Variants in KIDINS220 observed in about 807,000 individuals in gnomAD.
The protein encoded by KIDINS220 is kinase D interacting substrate 220, also known as kinase D-interacting substrate of 220 kDa.
Under a neutral mutation model 157.6 loss-of-function variants are expected in KIDINS220, and 63 were observed. That is an observed-to-expected ratio of 0.40 (90% CI 0.33 to 0.49). KIDINS220 has a LOEUF of 0.49. KIDINS220 is among the 20% of genes least tolerant of loss of function. KIDINS220 has a pLI of 0.66. For missense variants in KIDINS220, 1,772 were observed against 2,171.2 expected (o/e 0.82, Z 3.65); for synonymous variants, 732 against 783.6 (o/e 0.93, Z 1.10).
At chr2:8,756,598 A>T (rs1284215087) in intron 22 of KIDINS220, among the ~76,000 whole-genome samples, 1 of 152,196 alleles carries the variant, frequency 6.6e-6, no homozygotes, top group Non-Finnish European at 1.5e-5. Context: ...GTCAGAGATC[A>T]AAGTGCCAGA....
chr2:8,756,933 G>A (rs1307913251), intron 22 of KIDINS220, among the ~76,000 whole-genome samples: 5 of 152,192 alleles, frequency 3.3e-5, no homozygotes, highest in Admixed American at 1.3e-4. Flanking sequence ...CACGGAGTAC[G>A]ATGTTAGCTG....
At chr2:8,778,446 C>T (rs1671260832) in intron 20 of KIDINS220, among the ~76,000 whole-genome samples, 193 bp downstream of exon 20, 1 of 152,114 alleles carries the variant, frequency 6.6e-6, no homozygotes, top group East Asian at 1.9e-4. Context: ...GACCCCTATA[C>T]GAAGTACAGT....
chr2:8,754,151 G>A (rs997492457), intron 22 of KIDINS220, among the ~76,000 whole-genome samples: 14 of 152,166 alleles, frequency 9.2e-5, no homozygotes, highest in African/African-American at 2.4e-5. Context: ...ACACACAGCT[G>A]ACAAGTCACA....
At chr2:8,757,505 C>T (rs1668158639) in intron 22 of KIDINS220, 1 of 1,417,112 alleles carries the variant, frequency 7.1e-7, no homozygotes, top group Non-Finnish European at 9.2e-7. Context: ...GCAGAAGTGA[C>T]TGTACTGTTG....
chr2:8,730,536 C>T lies in KIDINS220; in HGVS notation c.*184G>A, dbSNP rs1359527121. 43 of 1,426,622 alleles carry T rather than the reference C, an allele frequency of 3.0e-5. No individual in the cohort carries two copies. Among genetic ancestry groups the T allele is most frequent in the Non-Finnish European group, 3.8e-5 (42 of 1,097,664 alleles). 88.4% of individuals were successfully genotyped at this position (1,426,622 alleles called of 1,614,324 possible). ...TAATTACAAAGACCACAGAGGCTGG[C>T]TGGTGAGCCATGCTTCTCATGCTCC... On this transcript the variant is annotated 3_prime_UTR_variant, in exon 30 of 30. Coordinates refer to ENST00000256707, the MANE Select transcript of KIDINS220 (RefSeq NM_020738.4).
chr2:8,737,106 A>T (rs1290260155), intron 26 of KIDINS220, 107 bp from the exon 27 acceptor site: 3 of 1,015,126 alleles, frequency 3.0e-6, no homozygotes, highest in East Asian at 2.7e-5. Context: ...GAAGTAAAGT[A>T]AAAAAAAACA....
intron 2 of KIDINS220, among the ~76,000 whole-genome samples, chr2:8,820,137 A>T (rs2148406810): frequency 6.6e-6 from 1 of 152,296 alleles, no homozygotes; most frequent in South Asian, 2.1e-4. Context: ...GGAGCAGGGC[A>T]TGCCTGGCCC....
chr2:8,775,213 A>G (rs752409137), intron 21 of KIDINS220, among the ~76,000 whole-genome samples: 12 of 152,246 alleles, frequency 7.9e-5, no homozygotes, highest in African/African-American at 1.2e-4. Flanking sequence ...TATGTGTCAG[A>G]TATATATTGA....
intron 7 of KIDINS220, among the ~76,000 whole-genome samples, chr2:8,804,260 T>A (rs147903049): frequency 1.0e-3 from 154 of 152,386 alleles, no homozygotes; most frequent in African/African-American, 3.3e-3. Context: ...ATAAAGAGTT[T>A]ACTCTTGTTT....
intron 29 of KIDINS220, 147 bp downstream of exon 29, chr2:8,733,297 G>T (rs1664406251): frequency 1.4e-6 from 1 of 707,500 alleles, no homozygotes; most frequent in East Asian, 2.7e-5. Flanking sequence ...AGCTCCTTGA[G>T]TACAGGGAGC....
downstream of KIDINS220, among the ~76,000 whole-genome samples, chr2:8,727,889 TGAAAGA>T (rs1663501284): frequency 6.6e-6 from 1 of 152,238 alleles, no homozygotes; most frequent in African/African-American, 2.4e-5. Flanking sequence ...TTATTTCAAC[TGAAAGA>T]GAAAAACAGC....
chr2:8,821,309 AAGAC>A (rs1310270554), intron 2 of KIDINS220, among the ~76,000 whole-genome samples: 2 of 152,018 alleles, frequency 1.3e-5, no homozygotes, highest in Non-Finnish European at 2.9e-5. Flanking sequence ...AGTATCTAGA[AAGAC>A]AGGGCTTGTT....
intron 24 of KIDINS220, chr2:8,749,269 C>T: frequency 3.0e-6 from 1 of 335,748 alleles, no homozygotes; most frequent in Non-Finnish European, 5.8e-6. Flanking sequence ...GATGTATTTA[C>T]ACAGGCAGTT....
chr2:8,733,451 C>G lies in KIDINS220; in HGVS notation c.4046G>C (p.Ser1349Thr), dbSNP rs767869982. The G allele has an allele frequency of 1.2e-6, 2 of 1,612,576 alleles. No individual in the cohort carries two copies. Among genetic ancestry groups the G allele is most frequent in the Admixed American group, 3.3e-5 (2 of 59,954 alleles). ...ATGCCATTCAATAAATACCTGCCAA[C>G]TTAGATTACTGTGACGAGGGGCACC... The part of the protein sequence containing the change: ...DEGAPRHSNL[S>T]WQSQTRRTPS... The change falls in exon 29 of 30, where the codon AGT becomes ACT. Residue 1349 changes from serine to threonine, a missense_variant. Ser to Thr is a moderately conservative substitution (Grantham distance 58, BLOSUM62 1). Coordinates refer to ENST00000256707, the MANE Select transcript of KIDINS220 (RefSeq NM_020738.4).
At chr2:8,738,526 C>G (rs1236939715) in intron 26 of KIDINS220, among the ~76,000 whole-genome samples, 1 of 152,222 alleles carries the variant, frequency 6.6e-6, no homozygotes, top group Non-Finnish European at 1.5e-5. Flanking sequence ...ACCTTCAACT[C>G]TGATGCACTG....
chr2:8,747,756 A>C, intron 25 of KIDINS220, 131 bp downstream of exon 25: 1 of 463,942 alleles, frequency 2.2e-6, no homozygotes, highest in Non-Finnish European at 3.7e-6. Context: ...TATGTTAGTA[A>C]TAGGTTGTTT....
chr2:8,778,546 T>A, intron 20 of KIDINS220, 93 bp downstream of exon 20: 1 of 882,468 alleles, frequency 1.1e-6, no homozygotes, highest in Non-Finnish European at 1.9e-6. Flanking sequence ...TTTAATGCAA[T>A]ATTTACAAAG....
downstream of KIDINS220, chr2:8,721,764 C>T (rs936155501): frequency 6.6e-6 from 1 of 152,250 alleles, no homozygotes; most frequent in Non-Finnish European, 1.5e-5. Flanking sequence ...GGCTCTGCCA[C>T]TCAGTAGCTG....
At chr2:8,812,781 T>C (rs1025241242) in intron 5 of KIDINS220, among the ~76,000 whole-genome samples, 1 of 152,202 alleles carries the variant, frequency 6.6e-6, no homozygotes, top group Non-Finnish European at 1.5e-5. Flanking sequence ...ACACATTTAT[T>C]TTTATAAATT....
Sources: allele counts gnomAD v4.1 joint callset (sites outside exome capture counted in the v4.1 genomes callset), GRCh38; gene constraint gnomAD v4.1.1; transcripts MANE v1.5; gene names NCBI Gene and HGNC (gene_info 2026-07-23, HGNC 2026-07-21).